The following PCDHGA2 variants were observed in gnomAD, a reference collection of about 807,000 sequenced individuals.
PCDHGA2 encodes protocadherin gamma-A2.
Under a neutral mutation model 59.2 loss-of-function variants are expected in PCDHGA2, and 40 were observed. That is an observed-to-expected ratio of 0.68 (90% CI 0.52 to 0.88). The LOEUF is 0.88. Among genes scored for constraint, PCDHGA2 ranks in the 40% least tolerant of loss-of-function variants. The pLI, the probability that PCDHGA2 is intolerant of heterozygous loss-of-function variation, is 0.00. For missense variants in PCDHGA2, 1,226 were observed against 1,204.0 expected (o/e 1.02, Z -0.27); for synonymous variants, 560 against 526.0 (o/e 1.06, Z -0.89).
chr5:141,467,162 C>T (rs765574629), intron 1 of PCDHGA2, among the ~76,000 whole-genome samples: 1 of 151,724 alleles, frequency 6.6e-6, no homozygotes, highest in Non-Finnish European at 1.5e-5. Flanking sequence ...AAGTGATTCT[C>T]ATCTCTCAGC....
intron 1 of PCDHGA2, chr5:141,375,005 G>A (rs757710290): frequency 1.2e-6 from 2 of 1,613,892 alleles, no homozygotes; most frequent in African/African-American, 2.7e-5. Context: ...TGCAAATCTA[G>A]ACTATGAGGA....
At chr5:141,407,124 T>C (rs1409043654) in intron 1 of PCDHGA2, among the ~76,000 whole-genome samples, 1 of 152,242 alleles carries the variant, frequency 6.6e-6, no homozygotes, top group Non-Finnish European at 1.5e-5. Flanking sequence ...TTTCAGTTGC[T>C]TTATTTTTAA....
At chr5:141,364,036 G>A (rs868127549) in intron 1 of PCDHGA2, among the ~76,000 whole-genome samples, 16 of 152,152 alleles carry the variant, frequency 1.1e-4, no homozygotes, top group African/African-American at 2.9e-4. Context: ...TAAGGATATG[G>A]CAACATTATT....
chr5:141,490,908 C>T lies in PCDHGA2; in HGVS notation c.2425-3899C>T, dbSNP rs201078924. On this transcript the variant is annotated intron_variant, in intron 1 of 3. Coordinates refer to ENST00000394576, the MANE Select transcript of PCDHGA2 (RefSeq NM_018915.4). This position sits in a 1 kb window ranked among gnomAD's most constrained non-coding sequence, Gnocchi z 5.4. The stretch of plus-strand genomic sequence containing the variant: ...CATCTCTGCATGTGTTTGTCCTAGA[C>T]GAGAATGATAATGCCCCAGCTGTGC... 42 of 1,613,710 alleles carry T rather than the reference C, an allele frequency of 2.6e-5. No homozygotes were observed. The highest frequency in any genetic ancestry group is 8.3e-5 in the Admixed American group (5 of 60,018).
At position 141,489,068 on chromosome 5, in the gene PCDHGA2, G is replaced by GGCCCC; in HGVS notation, c.2425-5739_2425-5738insGCCCC. On this transcript the variant is annotated intron_variant, in intron 1 of 3. Coordinates refer to ENST00000394576, the MANE Select transcript of PCDHGA2 (RefSeq NM_018915.4). This position sits in a 1 kb window ranked among gnomAD's most constrained non-coding sequence, Gnocchi z 4.5. ...CTCAAATTCAGCTCCCCTCCCCCCT[G>GGCCCC]CCCACCCCCGCCACTCGGTGACTAA... 3.4e-6 allele frequency: 1 copy of GGCCCC among 291,558 alleles called. No individual in the cohort carries two copies. 18.1% of individuals were successfully genotyped at this position (291,558 alleles called of 1,614,324 possible). A position where few individuals can be genotyped will look rare whatever the true frequency, so the allele number is the denominator to read the frequency against.
chr5:141,365,896 T>C, intron 1 of PCDHGA2: 3 of 1,614,212 alleles, frequency 1.9e-6, no homozygotes, highest in Non-Finnish European at 2.5e-6. Flanking sequence ...CCTTCGACTA[T>C]GAGCAGTTGA....
chr5:141,370,824 G>C, intron 1 of PCDHGA2: 1 of 1,613,996 alleles, frequency 6.2e-7, no homozygotes, highest in Non-Finnish European at 8.5e-7. Flanking sequence ...GGAAATCAGC[G>C]AACTGGCTCT....
chr5:141,344,721 G>T (rs1490902754), intron 1 of PCDHGA2: 1 of 1,613,872 alleles, frequency 6.2e-7, no homozygotes, highest in African/African-American at 1.3e-5. Flanking sequence ...GCACATCCAA[G>T]TGATAGTCCT....
intron 1 of PCDHGA2, among the ~76,000 whole-genome samples, chr5:141,435,367 A>C (rs2097758993): frequency 1.3e-5 from 2 of 152,194 alleles, no homozygotes; most frequent in African/African-American, 4.8e-5. Flanking sequence ...TTTATCACTT[A>C]AATATACAAT....
At chr5:141,510,509 C>G (rs146315792) in intron 3 of PCDHGA2, among the ~76,000 whole-genome samples, 13 of 152,204 alleles carry the variant, frequency 8.5e-5, no homozygotes, top group Non-Finnish European at 1.6e-4. Flanking sequence ...ACTGAGAGCC[C>G]GTGTCACAGC....
rs780105196 is a variant in PCDHGA2 at position 141,366,612 on chromosome 5, C to T, written c.2424+25217C>T. 1.7e-5 allele frequency: 28 copies of T among 1,614,116 alleles called. No individual in the cohort carries two copies. In the Admixed American group the frequency reaches 4.5e-4, roughly 26 times the overall value. ...TATTCCCACGAGGTCTCCCTCACCG[C>T]GGACTCGAGGAAGAGTCACCTGATC... On this transcript the variant is annotated intron_variant, in intron 1 of 3. Transcript: ENST00000394576.
chr5:141,357,845 T>G, intron 1 of PCDHGA2: 1 of 621,436 alleles, frequency 1.6e-6, no homozygotes, highest in Admixed American at 3.4e-5. Flanking sequence ...AGTTGTAGTT[T>G]CAGCCAGAAT....
intron 1 of PCDHGA2, chr5:141,356,926 G>T (rs756576284): frequency 1.2e-6 from 2 of 1,614,174 alleles, no homozygotes; most frequent in Admixed American, 3.3e-5. Context: ...CACTGGTGTG[G>T]AGCTGGCACC....
intron 1 of PCDHGA2, chr5:141,385,286 A>G: frequency 3.1e-6 from 5 of 1,613,826 alleles, no homozygotes; most frequent in Non-Finnish European, 4.2e-6. Flanking sequence ...ACATCCGTAG[A>G]TTTTCAGGAA....
chr5:141,395,218 A>G, intron 1 of PCDHGA2: 2 of 1,612,142 alleles, frequency 1.2e-6, no homozygotes, highest in Non-Finnish European at 1.7e-6. Flanking sequence ...GAATATAAGA[A>G]TGAAGCTGAT....
intron 1 of PCDHGA2, chr5:141,364,307 A>G: frequency 1.3e-6 from 2 of 1,522,550 alleles, no homozygotes; most frequent in Non-Finnish European, 1.8e-6. Context: ...CAGAACTAAG[A>G]GAAAATTGGG....
chr5:141,407,618 T>C (rs2094961239), intron 1 of PCDHGA2, among the ~76,000 whole-genome samples: 1 of 152,204 alleles, frequency 6.6e-6, no homozygotes, highest in South Asian at 2.1e-4. Context: ...TTGGTTGACA[T>C]TCTATATCTC....
chr5:141,410,847 G>GTTT (rs773839667), intron 1 of PCDHGA2: 4 of 158,330 alleles, frequency 2.5e-5, no homozygotes, highest in South Asian at 1.1e-4. Context: ...TTTTGTCTTT[G>GTTT]TCTTTTTTTT....
chr5:141,346,273 G>C (rs202194695), intron 1 of PCDHGA2: 3 of 1,614,164 alleles, frequency 1.9e-6, no homozygotes, highest in Admixed American at 1.7e-5. Flanking sequence ...GACGGGGTTC[G>C]GGCTTTCCTG....
Sources: gnomAD v4.1 joint callset for allele counts (sites outside exome capture counted in the v4.1 genomes callset) on GRCh38, gnomAD v4.1.1 for gene constraint, Gnocchi (gnomAD v3.1) non-coding constraint, MANE v1.5 for transcripts, NCBI Gene and HGNC (gene_info 2026-07-23, HGNC 2026-07-21) for gene names.